Variants in ADGRL2 observed in about 807,000 individuals in gnomAD.
ADGRL2 encodes the protein adhesion G protein-coupled receptor L2.
ADGRL2 carries 44 observed loss-of-function variants against 157.4 expected under a neutral mutation model. That is an observed-to-expected ratio of 0.28 (90% CI 0.22 to 0.36). ADGRL2 has a LOEUF of 0.36. Among genes scored for constraint, ADGRL2 ranks in the 10% least tolerant of loss-of-function variants. The pLI is 1.00. For synonymous variants in ADGRL2, 585 were observed against 624.7 expected, an observed-to-expected ratio of 0.94 and a Z score of 0.95; for missense variants, 1,510 against 1,768.9, an observed-to-expected ratio of 0.85 and a Z score of 2.63.
chr1:81,816,009 G>A (rs1422725372), intron 1 of ADGRL2, among the ~76,000 whole-genome samples: 1 of 151,658 alleles, frequency 6.6e-6, no homozygotes, highest in Non-Finnish European at 1.5e-5. Context: ...TAGGGAGTAA[G>A]AATGAGCTCT....
chr1:81,634,847 T>C (rs2082085873), intron 3 of ADGRL2, among the ~76,000 whole-genome samples: 1 of 152,118 alleles, frequency 6.6e-6, no homozygotes, highest in Non-Finnish European at 1.5e-5. Context: ...TTAGATTCTG[T>C]AGAAGATACA....
At chr1:81,895,337 G>A (rs1206538769) in intron 2 of ADGRL2, among the ~76,000 whole-genome samples, 1 of 151,414 alleles carries the variant, frequency 6.6e-6, no homozygotes, top group African/African-American at 2.4e-5. Flanking sequence ...AAATTGGTAG[G>A]GAACTCTTTC....
chr1:81,456,072 ATTAATT>A lies in ADGRL2; in HGVS notation c.-248+10988_-248+10993del, dbSNP rs1192199155. Among the ~76,000 whole-genome samples the A allele has an allele frequency of 7.2e-5, 11 of 152,214 alleles. 1 individual carries two copies. In the East Asian group the frequency reaches 9.6e-4, roughly 13 times the overall value. On this transcript the variant is annotated intron_variant, in intron 2 of 24. Coordinates refer to the ADGRL2 transcript ENST00000370721. ...TAATACATTTGGAAGGGTCTTAGTA[ATTAATT>A]TTAAGTATCAATGCACTCTTACAAT...
At chr1:81,871,414 T>C (rs1427240101) in intron 2 of ADGRL2, among the ~76,000 whole-genome samples, 1 of 152,170 alleles carries the variant, frequency 6.6e-6, no homozygotes, top group African/African-American at 2.4e-5. Flanking sequence ...TGTGTCTTTA[T>C]AGCAGCATGA....
At chr1:81,354,043 G>T (rs143170491) in intron 1 of ADGRL2, among the ~76,000 whole-genome samples, 81 of 152,270 alleles carry the variant, frequency 5.3e-4, no homozygotes, top group African/African-American at 1.9e-3. Context: ...CAGCACCAAA[G>T]AACTCTGATA....
chr1:81,420,699 C>T (rs1271596059), intron 1 of ADGRL2, among the ~76,000 whole-genome samples: 1 of 152,200 alleles, frequency 6.6e-6, no homozygotes, highest in Non-Finnish European at 1.5e-5. Context: ...TAAACTGTTT[C>T]TCTCCTTCAG....
intron 4 of ADGRL2, among the ~76,000 whole-genome samples, 199 bp from the exon 5 acceptor site, chr1:81,941,835 T>C (rs1452981653): frequency 6.6e-6 from 1 of 151,898 alleles, no homozygotes; most frequent in African/African-American, 2.4e-5. Flanking sequence ...CATGTTCTTT[T>C]ATGTAACTTT....
intron 2 of ADGRL2, among the ~76,000 whole-genome samples, chr1:81,509,973 A>G (rs1465481009): frequency 1.3e-5 from 2 of 152,218 alleles, no homozygotes; most frequent in African/African-American, 2.4e-5. Flanking sequence ...CACTAAACAC[A>G]GTCAAGTCCA....
chr1:81,925,351 A>G (rs2095079583), intron 3 of ADGRL2, among the ~76,000 whole-genome samples: 1 of 152,054 alleles, frequency 6.6e-6, no homozygotes, highest in South Asian at 2.1e-4. Context: ...GAGTTTGTTT[A>G]TAAATGACAT....
At chr1:81,370,853 A>C (rs1173892531) in intron 1 of ADGRL2, among the ~76,000 whole-genome samples, 3 of 152,208 alleles carry the variant, frequency 2.0e-5, no homozygotes, top group Non-Finnish European at 4.4e-5. Context: ...ATTAAGTTAC[A>C]CTAAGAATAA....
At chr1:81,960,915 G>A (rs1194663038) in intron 11 of ADGRL2, among the ~76,000 whole-genome samples, 1 of 152,206 alleles carries the variant, frequency 6.6e-6, no homozygotes, top group South Asian at 2.1e-4. Flanking sequence ...TAATTGTTGA[G>A]GCTGGACTTC....
At chr1:81,975,006 T>C (rs981683890) in intron 17 of ADGRL2, among the ~76,000 whole-genome samples, 2 of 149,714 alleles carry the variant, frequency 1.3e-5, no homozygotes, top group Non-Finnish European at 3.0e-5. Flanking sequence ...TGAATAAGGA[T>C]TTTTTTTTTC....
chr1:81,345,324 G>A (rs1022432064), intron 1 of ADGRL2, among the ~76,000 whole-genome samples: 3 of 152,086 alleles, frequency 2.0e-5, no homozygotes, highest in Admixed American at 6.5e-5. Flanking sequence ...TTCCTGGTGC[G>A]CTTATCCAAG....
intron 1 of ADGRL2, among the ~76,000 whole-genome samples, chr1:81,748,207 G>A (rs557964834): frequency 3.9e-5 from 6 of 151,994 alleles, no homozygotes; most frequent in African/African-American, 4.8e-5. Flanking sequence ...GACCGGGTGC[G>A]GTGGCTCACG....
chr1:81,921,689 A>G (rs530548942), intron 3 of ADGRL2, among the ~76,000 whole-genome samples: 48 of 152,318 alleles, frequency 3.2e-4, no homozygotes, highest in Non-Finnish European at 4.4e-4. Flanking sequence ...AATTCAGGCT[A>G]GAAGTATAAT....
chr1:81,662,362 T>C (rs528502760), intron 3 of ADGRL2, among the ~76,000 whole-genome samples: 1 of 151,502 alleles, frequency 6.6e-6, no homozygotes, highest in Admixed American at 6.6e-5. Flanking sequence ...TTCAAGCAAT[T>C]CTCATGCCTT....
chr1:81,655,929 G>A (rs1321300037), intron 3 of ADGRL2, among the ~76,000 whole-genome samples: 1 of 152,152 alleles, frequency 6.6e-6, no homozygotes, highest in Admixed American at 6.5e-5. Flanking sequence ...TGTTTTCAGA[G>A]CCCCAGGGTT....
chr1:81,931,743 C>A (rs1465660415), intron 3 of ADGRL2, among the ~76,000 whole-genome samples: 1 of 152,032 alleles, frequency 6.6e-6, no homozygotes, highest in Non-Finnish European at 1.5e-5. Flanking sequence ...CATCCTCCCA[C>A]CTCAGTCTCC....
At chr1:81,482,676 C>T (rs1392292164) in intron 2 of ADGRL2, among the ~76,000 whole-genome samples, 1 of 151,990 alleles carries the variant, frequency 6.6e-6, no homozygotes, top group Admixed American at 6.6e-5. Context: ...AGCATAAAAA[C>T]ATCTTTATGT....
Sources: gnomAD v4.1 joint callset for allele counts (sites outside exome capture counted in the v4.1 genomes callset) on GRCh38, gnomAD v4.1.1 for gene constraint, MANE v1.5 for transcripts, NCBI Gene and HGNC (gene_info 2026-07-23, HGNC 2026-07-21) for gene names.